Variants in SOX6 observed in about 807,000 individuals in gnomAD.
The protein encoded by SOX6 is SRY-box transcription factor 6.
Under a neutral mutation model 97.8 loss-of-function variants are expected in SOX6, and 11 were observed. That is an observed-to-expected ratio of 0.11 (90% CI 0.07 to 0.19). The LOEUF is 0.19. Ranked by LOEUF, SOX6 falls within the 10% of genes least tolerant of loss-of-function variation. The pLI is 1.00. For missense variants in SOX6, 810 were observed against 1,039.5 expected (o/e 0.78, Z 3.04); for synonymous variants, 360 against 371.4 (o/e 0.97, Z 0.35).
intron 1 of SOX6, among the ~76,000 whole-genome samples, chr11:16,396,044 A>G (rs922179382): frequency 2.7e-5 from 2 of 75,032 alleles, no homozygotes; most frequent in African/African-American, 9.6e-5. Flanking sequence ...AGCACATAGA[A>G]TTTAGAGATC....
At chr11:16,007,983 T>C (rs76976754) in intron 13 of SOX6, among the ~76,000 whole-genome samples, 4,106 of 152,170 alleles carry the variant, frequency 0.027, 181 homozygotes, top group African/African-American at 0.093. Flanking sequence ...CATTACTCAG[T>C]ATCTGAAAGA....
At chr11:16,027,460 A>T (rs1250610429) in intron 12 of SOX6, among the ~76,000 whole-genome samples, 3 of 152,206 alleles carry the variant, frequency 2.0e-5, no homozygotes, top group Non-Finnish European at 2.9e-5. Flanking sequence ...GTTTTTACTG[A>T]TACCTAATAT....
rs180788711 is a variant in SOX6, at chr11:16,144,680, C to A, written c.778-32757G>T. On this transcript the variant is annotated intron_variant, in intron 6 of 15. Coordinates refer to ENST00000683767, the MANE Select transcript of SOX6 (RefSeq NM_001367873.1). The stretch of plus-strand genomic sequence containing the variant: ...TGATAAAGGGGATATCACCACCAAT[C>A]CCACAGAAATACAAACTACCATCAG... Among the ~76,000 whole-genome samples, 195 of 152,250 alleles carry A rather than the reference C, an allele frequency of 1.3e-3. 1 individual carries two copies. Among genetic ancestry groups the A allele is most frequent in the African/African-American group, 4.3e-3 (179 of 41,546 alleles).
chr11:16,714,563 T>G (rs540619753), intron 3 of SOX6, among the ~76,000 whole-genome samples: 45 of 149,664 alleles, frequency 3.0e-4, no homozygotes, highest in Non-Finnish European at 5.9e-5. Context: ...GCAATTCTCC[T>G]GCCTCAGCCT....
intron 4 of SOX6, among the ~76,000 whole-genome samples, chr11:16,563,149 T>C (rs1175294356): frequency 2.0e-5 from 3 of 151,842 alleles, no homozygotes; most frequent in South Asian, 2.1e-4. Flanking sequence ...ATAAAAAATA[T>C]ATAAATGAGC....
chr11:16,482,709 T>C (rs1860363940), intron 4 of SOX6, among the ~76,000 whole-genome samples: 1 of 152,202 alleles, frequency 6.6e-6, no homozygotes, highest in African/African-American at 2.4e-5. Context: ...TTCAACTCAA[T>C]TATAAGTGAT....
At chr11:16,057,259 T>C (rs149461792) in intron 9 of SOX6, among the ~76,000 whole-genome samples, 1 of 152,300 alleles carries the variant, frequency 6.6e-6, no homozygotes, top group Non-Finnish European at 1.5e-5. Flanking sequence ...AATGTTAATG[T>C]CACAAATTTT....
Position 16,046,470 on chromosome 11 carries a change from C to G in SOX6, c.1623+44G>C, listed in dbSNP as rs1391906233. Reference sequence around the variant, plus strand: ...CTGGAAAGAACCAGATGAGAGTGAGCCAATAAGTCTAGCAGATCCAGTGAC... The same window carrying G: ...CTGGAAAGAACCAGATGAGAGTGAGGCAATAAGTCTAGCAGATCCAGTGAC... On this transcript the variant is annotated intron_variant, in intron 12 of 15. Transcript: ENST00000683767. The G allele has an allele frequency of 3.7e-6, 6 of 1,603,950 alleles. No individual in the cohort carries two copies. The South Asian group carries it at 6.6e-5, about 18-fold the overall frequency.
chr11:16,322,732 A>G (rs1284853812), intron 2 of SOX6, among the ~76,000 whole-genome samples: 2 of 152,188 alleles, frequency 1.3e-5, no homozygotes, highest in East Asian at 3.9e-4. Context: ...GAATTTGAAT[A>G]CTGATGAACA....
At chr11:16,305,507 T>C (rs560771105) in intron 3 of SOX6, among the ~76,000 whole-genome samples, 108 of 152,334 alleles carry the variant, frequency 7.1e-4, no homozygotes, top group Non-Finnish European at 1.1e-3. Flanking sequence ...GGCAGTTTCT[T>C]ATAAAATCCA....
At chr11:16,149,397 C>T (rs1377693534) in intron 6 of SOX6, among the ~76,000 whole-genome samples, 1 of 152,022 alleles carries the variant, frequency 6.6e-6, no homozygotes, top group African/African-American at 2.4e-5. Context: ...AAGCTTTTGC[C>T]CAGGATCTTT....
chr11:16,066,301 G>A (rs542771849), intron 9 of SOX6, among the ~76,000 whole-genome samples: 1 of 152,248 alleles, frequency 6.6e-6, no homozygotes, highest in South Asian at 2.1e-4. Context: ...TACACTGTTG[G>A]TGAGAATGTA....
chr11:16,575,304 TA>T (rs1847972011), intron 4 of SOX6, among the ~76,000 whole-genome samples: 1 of 152,150 alleles, frequency 6.6e-6, no homozygotes, highest in Admixed American at 6.5e-5. Flanking sequence ...GGTAACACTA[TA>T]AATAAACACT....
intron 3 of SOX6, among the ~76,000 whole-genome samples, chr11:16,685,624 C>A (rs548036167): frequency 2.0e-5 from 3 of 152,398 alleles, no homozygotes; most frequent in African/African-American, 7.2e-5. Context: ...TTGCAGGATG[C>A]AGCCCCCACA....
intron 1 of SOX6, among the ~76,000 whole-genome samples, chr11:16,413,599 C>A (rs1293677461): frequency 6.9e-6 from 1 of 145,060 alleles, no homozygotes; most frequent in South Asian, 2.2e-4. Flanking sequence ...CGGCTCACTG[C>A]AACCTCTGCA....
intron 3 of SOX6, among the ~76,000 whole-genome samples, chr11:16,263,942 A>G (rs1347054064): frequency 2.0e-5 from 3 of 151,896 alleles, no homozygotes; most frequent in Non-Finnish European, 4.4e-5. Context: ...CATAGTCAAA[A>G]TACTGGTCCA....
intron 4 of SOX6, among the ~76,000 whole-genome samples, chr11:16,206,243 G>GT (rs2134134988): frequency 6.6e-6 from 1 of 152,120 alleles, no homozygotes; most frequent in Non-Finnish European, 1.5e-5. Context: ...ACTAATGTCA[G>GT]TTTGGCCAAC....
intron 1 of SOX6, among the ~76,000 whole-genome samples, chr11:16,469,304 T>C (rs1860100362): frequency 6.6e-6 from 1 of 150,894 alleles, no homozygotes; most frequent in Admixed American, 6.6e-5. Flanking sequence ...GTCCAAAAAG[T>C]AAGTGCAGGA....
chr11:16,190,452 C>T (rs987658094), intron 4 of SOX6, among the ~76,000 whole-genome samples: 1 of 152,060 alleles, frequency 6.6e-6, no homozygotes, highest in Non-Finnish European at 1.5e-5. Context: ...TAAAACAACA[C>T]AATATAACAA....
Sources: allele counts gnomAD v4.1 joint callset (sites outside exome capture counted in the v4.1 genomes callset), GRCh38; gene constraint gnomAD v4.1.1; transcripts MANE v1.5; gene names NCBI Gene and HGNC (gene_info 2026-07-23, HGNC 2026-07-21).